Variants in GPC5 observed in about 807,000 individuals in gnomAD.
GPC5 encodes glypican-5.
Under a neutral mutation model 53.9 loss-of-function variants are expected in GPC5, and 47 were observed. That is an observed-to-expected ratio of 0.87 (90% CI 0.69 to 1.11). The LOEUF (loss-of-function observed/expected upper bound fraction) is 1.11. Ranked by LOEUF, GPC5 falls within the 50% of genes most tolerant of loss-of-function variation. The pLI is 0.00. For synonymous variants in GPC5, 286 were observed against 263.3 expected, an observed-to-expected ratio of 1.09 and a Z score of -0.84; for missense variants, 748 against 713.1, an observed-to-expected ratio of 1.05 and a Z score of -0.56.
chr13:91,512,650 C>T (rs980884834), intron 2 of GPC5, among the ~76,000 whole-genome samples: 5 of 152,138 alleles, frequency 3.3e-5, no homozygotes, highest in Non-Finnish European at 7.4e-5. Flanking sequence ...TTGGCTGGGG[C>T]TCCTCAGTAT....
intron 7 of GPC5, among the ~76,000 whole-genome samples, chr13:92,725,022 G>A (rs1204767054): frequency 6.6e-6 from 1 of 151,438 alleles, no homozygotes; most frequent in Non-Finnish European, 1.5e-5. Flanking sequence ...GTAAGACTAT[G>A]GAGTAGACGT....
chr13:91,661,777 A>G (rs935700476), intron 2 of GPC5, among the ~76,000 whole-genome samples: 15 of 152,164 alleles, frequency 9.9e-5, no homozygotes, highest in Admixed American at 8.5e-4. Flanking sequence ...GGAAGCCAGC[A>G]TAGCCAGACT....
chr13:91,795,523 A>T (rs536576051), intron 5 of GPC5, among the ~76,000 whole-genome samples: 2 of 152,350 alleles, frequency 1.3e-5, no homozygotes, highest in Non-Finnish European at 2.9e-5. Context: ...ATGGATGCCA[A>T]AGAAAAACAC....
chr13:92,527,713 T>G (rs1881417177), intron 7 of GPC5, among the ~76,000 whole-genome samples: 1 of 152,154 alleles, frequency 6.6e-6, no homozygotes, highest in Admixed American at 6.6e-5. Context: ...TTGCAACCAC[T>G]TCCACTAAGA....
intron 7 of GPC5, among the ~76,000 whole-genome samples, chr13:92,565,482 C>A (rs1882834071): frequency 6.6e-6 from 1 of 152,052 alleles, no homozygotes; most frequent in Non-Finnish European, 1.5e-5. Context: ...GACGTTGTCT[C>A]ACATATAGCT....
At chr13:91,422,148 A>G (rs558511125) in intron 1 of GPC5, among the ~76,000 whole-genome samples, 4 of 152,324 alleles carry the variant, frequency 2.6e-5, no homozygotes, top group Non-Finnish European at 5.9e-5. Context: ...ACAATAGAAA[A>G]CCTACAAATT....
intron 5 of GPC5, among the ~76,000 whole-genome samples, chr13:91,815,544 G>T (rs2038386499): frequency 6.6e-6 from 1 of 152,048 alleles, no homozygotes; most frequent in Non-Finnish European, 1.5e-5. Flanking sequence ...TGCTCCCCAG[G>T]CACATAAATC....
rs764522585 is a variant in GPC5 at position 91,728,596 on chromosome 13, A to C, written c.1085A>C (p.Gln362Pro). The C allele has an allele frequency of 4.2e-5, 67 of 1,613,380 alleles. No homozygotes were observed. The highest frequency in any genetic ancestry group is 5.5e-5 in the Non-Finnish European group (65 of 1,179,554). ...CAAAGCCCCCGTTGTTCTTTTGATC[A>C]GAGCAAAGAGAAGCATGGAATGAAG... is the stretch of plus-strand genomic sequence containing the variant. ...PTQSPRCSFD[Q>P]SKEKHGMKTT... Residue 362 changes from glutamine (Q) to proline (P), a missense_variant, in exon 4 of 8, where the codon CAG becomes CCG. Transcript: ENST00000377067.
chr13:91,501,094 A>G (rs566700736), intron 2 of GPC5, among the ~76,000 whole-genome samples: 1 of 152,270 alleles, frequency 6.6e-6, no homozygotes, highest in African/African-American at 2.4e-5. Flanking sequence ...CTTTATTGGC[A>G]GTGTGAAAAC....
rs1277483925 is a variant in GPC5 at position 92,761,973 on chromosome 13, T to C, written c.1562-104309T>C. ...TAAAAGAGAAATAAAGCCTCAGACA[T>C]GTAAAGTTGATGGAAATTATCACCA... On this transcript the variant is annotated intron_variant, in intron 7 of 7. Coordinates refer to ENST00000377067, the MANE Select transcript of GPC5 (RefSeq NM_004466.6). 4.0e-5 allele frequency among the ~76,000 whole-genome samples: 6 copies of C among 151,882 alleles called. No individual in the cohort carries two copies. The South Asian group carries it at 1.0e-3, about 26-fold the overall frequency.
At chr13:91,943,131 G>T (rs2039943241) in intron 6 of GPC5, among the ~76,000 whole-genome samples, 1 of 152,146 alleles carries the variant, frequency 6.6e-6, no homozygotes, top group African/African-American at 2.4e-5. Context: ...TTGAACTCAA[G>T]ACAATGATGA....
rs567674940 is a variant in GPC5 at position 91,907,999 on chromosome 13, T to A, written c.1343T>A (p.Val448Asp). 2.2e-5 allele frequency: 35 copies of A among 1,594,796 alleles called. No homozygotes were observed. The highest frequency in any genetic ancestry group is 2.7e-5 in the Non-Finnish European group (32 of 1,177,892). Reference sequence around the variant, plus strand: ...CAGTCTGGAAATCCTGAAGTCAAAGTCAAAGGAATTGATCCTGTGATAAAT... The same window carrying A: ...CAGTCTGGAAATCCTGAAGTCAAAGACAAAGGAATTGATCCTGTGATAAAT... Reference protein sequence around the residue: ...KAQSGNPEVKVKGIDPVINQI... With the variant: ...KAQSGNPEVKDKGIDPVINQI... The change falls in exon 6 of 8, where the codon GTC becomes GAC. Residue 448 changes from valine to aspartate, a missense_variant. Transcript: ENST00000377067.
intron 7 of GPC5, among the ~76,000 whole-genome samples, chr13:92,161,486 A>T (rs2041987587): frequency 6.6e-6 from 1 of 152,164 alleles, no homozygotes; most frequent in Non-Finnish European, 1.5e-5. Flanking sequence ...ATTGACATTA[A>T]TTTTAGCCAA....
chr13:92,461,762 C>G (rs774700348), intron 7 of GPC5, among the ~76,000 whole-genome samples: 6 of 152,190 alleles, frequency 3.9e-5, no homozygotes, highest in Non-Finnish European at 8.8e-5. Context: ...GAAGAGGACC[C>G]TTAGCAGACA....
At chr13:92,145,963 C>T (rs1251032126) in intron 7 of GPC5, among the ~76,000 whole-genome samples, 1 of 152,022 alleles carries the variant, frequency 6.6e-6, no homozygotes, top group African/African-American at 2.4e-5. Context: ...AAAATCAATT[C>T]CTCATTCCTT....
chr13:91,662,063 T>C (rs2035000224), intron 2 of GPC5, among the ~76,000 whole-genome samples: 1 of 152,088 alleles, frequency 6.6e-6, no homozygotes. Flanking sequence ...ACATATGGTA[T>C]TTAAAGCTAT....
At chr13:92,235,984 C>G (rs901998467) in intron 7 of GPC5, among the ~76,000 whole-genome samples, 2 of 152,024 alleles carry the variant, frequency 1.3e-5, no homozygotes, top group Non-Finnish European at 2.9e-5. Flanking sequence ...AGCTAGGCTA[C>G]CTTTTTCCTG....
intron 7 of GPC5, among the ~76,000 whole-genome samples, chr13:92,585,718 C>T (rs531271965): frequency 2.1e-4 from 32 of 152,180 alleles, no homozygotes; most frequent in Non-Finnish European, 4.4e-4. Context: ...TGAATTCCCA[C>T]GTGTTGTGAG....
chr13:91,997,934 T>C (rs1417947163), intron 6 of GPC5, among the ~76,000 whole-genome samples: 2 of 152,248 alleles, frequency 1.3e-5, no homozygotes, highest in Non-Finnish European at 2.9e-5. Flanking sequence ...CTAAAAGTTC[T>C]AGAAATTCTT....
Sources: gnomAD v4.1 joint callset for allele counts (sites outside exome capture counted in the v4.1 genomes callset) on GRCh38, gnomAD v4.1.1 for gene constraint, MANE v1.5 for transcripts, NCBI Gene and HGNC (gene_info 2026-07-23, HGNC 2026-07-21) for gene names.